CEP250: variants seen among roughly 807,000 people sequenced by gnomAD.
CEP250 encodes the protein centrosomal protein 250.
In CEP250, 242 loss-of-function variants were observed where a neutral mutation model predicts 315.7. The observed-to-expected ratio is 0.77, with a 90% CI of 0.69 to 0.85. CEP250 has a LOEUF of 0.85. CEP250 is among the 40% of genes least tolerant of loss of function. The pLI is 0.00. For missense variants in CEP250, 2,515 were observed against 2,886.4 expected (o/e 0.87, Z 2.95); for synonymous variants, 1,088 against 1,175.0 (o/e 0.93, Z 1.51).
At chr20:35,474,758 A>T (rs1486624646) in intron 14 of CEP250, 7 of 470,812 alleles carry the variant, frequency 1.5e-5, no homozygotes, top group South Asian at 1.1e-4. Flanking sequence ...ACATGGACAG[A>T]TTATTTGTAG....
In CEP250 at chr20:35,504,300, G is replaced by A. The variant is rs371750837; in HGVS notation, c.5931G>A (p.Leu1977=). 6.3e-6 allele frequency: 10 copies of A among 1,587,648 alleles called. No homozygotes were observed. In the African/African-American group the frequency reaches 1.2e-4, roughly 19 times the overall value. ...CCCTTGGCAAGGCTCATGCTGCCCT[G>A]CAGGGGAAAGAGCAGCATCTCCTCG... ...QEALGKAHAA[L]QGKEQHLLEQ... Residue 1977 remains leucine (L), a synonymous_variant, in exon 30 of 35, where the codon CTG becomes CTA. Transcript: ENST00000397527.
chr20:35,493,807 C>G (rs1341153191), intron 23 of CEP250, among the ~76,000 whole-genome samples: 2 of 152,118 alleles, frequency 1.3e-5, no homozygotes, highest in Non-Finnish European at 2.9e-5. Flanking sequence ...TTTTGTTTTC[C>G]CTGGCTGTCT....
Position 35,486,033 on chromosome 20 carries a change from CT to C in CEP250, c.2587-4586del, listed in dbSNP as rs568800381. ...CATTGGGTGAAAGATAGTGGATTTA[CT>C]TTTTTTTTTTTTTTTTTGAGACACA... On this transcript the variant is annotated intron_variant, in intron 20 of 34. Coordinates refer to ENST00000397527, the MANE Select transcript of CEP250 (RefSeq NM_007186.6). 4.3e-3 allele frequency among the ~76,000 whole-genome samples: 550 copies of C among 128,328 alleles called. 3 individuals carry two copies. The highest frequency in any genetic ancestry group is 3.3e-3 in the Non-Finnish European group (196 of 59,562). 84.2% of individuals were successfully genotyped at this position (128,328 alleles called of 152,430 possible).
At chr20:35,492,313 G>C (rs2063719489) in intron 22 of CEP250, among the ~76,000 whole-genome samples, 1 of 152,134 alleles carries the variant, frequency 6.6e-6, no homozygotes, top group Admixed American at 6.6e-5. Flanking sequence ...ATTTATGGTG[G>C]GGAATGGGGT....
In CEP250 at chr20:35,514,372, T is replaced by G. The variant is rs1028539161; in HGVS notation, c.*2746T>G. 2 of 152,328 alleles carry G rather than the reference T, an allele frequency of 1.3e-5. No individual in the cohort carries two copies. Among genetic ancestry groups the G allele is most frequent in the East Asian group, 3.9e-4 (2 of 5,182 alleles). 9.4% of individuals were successfully genotyped at this position (152,328 alleles called of 1,614,324 possible). A position where few individuals can be genotyped will look rare whatever the true frequency, so the allele number is the denominator to read the frequency against. On this transcript the variant is annotated 3_prime_UTR_variant, in exon 35 of 35. Coordinates refer to ENST00000397527, the MANE Select transcript of CEP250 (RefSeq NM_007186.6). ...AGAGATTATCTTCTTGCAGAAAACT[T>G]TTTTCCCCCTTCCTAATCTTGTCTG...
chr20:35,467,049 G>A lies in CEP250; in HGVS notation c.576G>A (p.Leu192=). 1 of 1,613,472 alleles carries A rather than the reference G, an allele frequency of 6.2e-7. No individual in the cohort carries two copies. Among genetic ancestry groups the A allele is most frequent in the Non-Finnish European group, 8.5e-7 (1 of 1,179,642 alleles). ...REVVTFRRHF[L]EMKSATDRDL... The stretch of plus-strand genomic sequence containing the variant: ...TTGTGACATTCCGACGCCACTTCCT[G>A]GAAATGAAGTCAGCTACTGACAGGT... The change falls in exon 8 of 35, where the codon CTG becomes CTA. Residue 192 remains leucine (L), a synonymous_variant. Transcript: ENST00000397527.
chr20:35,487,045 C>T (rs940077576), intron 20 of CEP250, among the ~76,000 whole-genome samples: 30 of 152,268 alleles, frequency 2.0e-4, no homozygotes, highest in Admixed American at 1.2e-3. Flanking sequence ...TCAGCTAATC[C>T]TCCTGACTTC....
Position 35,491,291 on chromosome 20 carries a change from G to A in CEP250, c.2834G>A (p.Ser945Asn), listed in dbSNP as rs2063684238. ...LQTQKELADASQQLERLRQDM... is the reference protein window; with the variant it reads ...LQTQKELADANQQLERLRQDM... ...ACGCAGAAGGAGCTAGCAGATGCCAGCCAACAACTGGAACGACTGAGGCAG... is the reference window on the plus strand; with the variant it reads ...ACGCAGAAGGAGCTAGCAGATGCCAACCAACAACTGGAACGACTGAGGCAG... Residue 945 changes from serine to asparagine, a missense_variant, in exon 22 of 35, where the codon AGC (serine) becomes AAC (asparagine). Coordinates refer to ENST00000397527, the MANE Select transcript of CEP250 (RefSeq NM_007186.6). 1.2e-6 allele frequency: 2 copies of A among 1,604,648 alleles called. No homozygotes were observed. The highest frequency in any genetic ancestry group is 1.7e-6 in the Non-Finnish European group (2 of 1,175,236).
At chr20:35,458,954 T>C (rs2146639122) in intron 2 of CEP250, among the ~76,000 whole-genome samples, 1 of 148,620 alleles carries the variant, frequency 6.7e-6, no homozygotes, top group African/African-American at 2.5e-5. Context: ...GTATATTTGC[T>C]ATAATGCAAA....
chr20:35,463,043 A>G (rs2062791950), intron 4 of CEP250, among the ~76,000 whole-genome samples: 1 of 152,220 alleles, frequency 6.6e-6, no homozygotes, highest in South Asian at 2.1e-4. Flanking sequence ...GCATATAGAA[A>G]GTATTTATTT....
At position 35,513,878 on chromosome 20, in the gene CEP250, T is replaced by C. The variant is rs559959260; in HGVS notation, c.*2252T>C. 11 of 152,590 alleles carry C rather than the reference T, an allele frequency of 7.2e-5. No homozygotes were observed. The highest frequency in any genetic ancestry group is 1.9e-4 in the African/African-American group (8 of 41,588). The allele number at this position is 152,590 out of a possible 1,614,324, so 9.5% of individuals were successfully genotyped here. A position where few individuals can be genotyped will look rare whatever the true frequency, so the allele number is the denominator to read the frequency against. The stretch of plus-strand genomic sequence containing the variant: ...CCTCAAGAGCCCCCCAGCTCCATTA[T>C]AGACCTCGGCCTAGGGTCTCCCCTC... On this transcript the variant is annotated 3_prime_UTR_variant, in exon 35 of 35. Transcript: ENST00000397527.
At chr20:35,456,769 TTA>T (rs2062637183) in intron 1 of CEP250, among the ~76,000 whole-genome samples, 1 of 150,786 alleles carries the variant, frequency 6.6e-6, no homozygotes, top group Non-Finnish European at 1.5e-5. Flanking sequence ...AAGCTATAAG[TTA>T]TATGCCTCCC....
At chr20:35,466,428 G>A (rs2146711592) in intron 7 of CEP250, among the ~76,000 whole-genome samples, 1 of 152,298 alleles carries the variant, frequency 6.6e-6, no homozygotes, top group South Asian at 2.1e-4. Context: ...CTGGGAGGTA[G>A]CATGACACTC....
rs983851720 is a variant in CEP250 at position 35,511,692 on chromosome 20, C to T, written c.*66C>T. On this transcript the variant is annotated 3_prime_UTR_variant, in exon 35 of 35. Transcript: ENST00000397527. ...GGGTCATGGCCCCTCCGCACACCTA[C>T]AGGTTTGCCAAAGGAAAAGCCTGGC... The T allele has an allele frequency of 6.6e-7, 1 of 1,515,710 alleles. No homozygotes were observed. The allele number at this position is 1,515,710 out of a possible 1,614,324, so 93.9% of individuals were successfully genotyped here.
chr20:35,456,555 A>G (rs186416575), intron 1 of CEP250, among the ~76,000 whole-genome samples: 4 of 152,308 alleles, frequency 2.6e-5, no homozygotes, highest in Admixed American at 2.0e-4. Flanking sequence ...TAGTTCTTCT[A>G]TCTTTCTTTG....
In CEP250 at chr20:35,462,397, C is replaced by A. The variant is rs747946549; in HGVS notation, c.30C>A (p.Asn10Lys). 3 of 1,594,616 alleles carry A rather than the reference C, an allele frequency of 1.9e-6. No homozygotes were observed. The highest frequency in any genetic ancestry group is 1.8e-5 in the Admixed American group (1 of 57,076). ...AGACAAGAAGCCCTGGGTTGAACAA[C>A]ATGAAGCCCCAGTCACTGCAGCTGG... The part of the protein sequence containing the change: METRSPGLN[N>K]MKPQSLQLVL... Residue 10 changes from asparagine to lysine, a missense_variant, in exon 4 of 35, where the codon AAC becomes AAA. By Grantham distance (94) the Asn-to-Lys change is moderately conservative (BLOSUM62 0). Transcript: ENST00000397527.
At chr20:35,491,895 CAAA>C (rs34747030) in intron 22 of CEP250, among the ~76,000 whole-genome samples, 1 of 63,914 alleles carries the variant, frequency 1.6e-5, no homozygotes, top group East Asian at 4.9e-4. Flanking sequence ...GAGCGAGTCT[CAAA>C]AAAAAAAAAA....
intron 16 of CEP250, among the ~76,000 whole-genome samples, chr20:35,477,161 C>T (rs1370606306): frequency 1.3e-5 from 2 of 152,160 alleles, no homozygotes; most frequent in Non-Finnish European, 2.9e-5. Flanking sequence ...CAGGCATGCA[C>T]CACCATGCCT....
In CEP250 at chr20:35,513,268, T is replaced by TC. The variant is rs2064394378; in HGVS notation, c.*1642_*1643insC. 6.6e-6 allele frequency: 1 copy of TC among 152,302 alleles called. No individual in the cohort carries two copies. Among genetic ancestry groups the TC allele is most frequent in the African/African-American group, 2.4e-5 (1 of 41,538 alleles). The allele number at this position is 152,302 out of a possible 1,614,324, so 9.4% of individuals were successfully genotyped here. On this transcript the variant is annotated 3_prime_UTR_variant, in exon 35 of 35. Coordinates refer to ENST00000397527, the MANE Select transcript of CEP250 (RefSeq NM_007186.6). ...ATTTATTTCTTTTTCCTTTTTTTTT[T>TC]TTTGAGACAGAGTTTTGCTCTTGTT...
Sources: allele counts gnomAD v4.1 joint callset (sites outside exome capture counted in the v4.1 genomes callset), GRCh38; gene constraint gnomAD v4.1.1; transcripts MANE v1.5; gene names NCBI Gene and HGNC (gene_info 2026-07-23, HGNC 2026-07-21).